The following TRAPPC3L variants were observed in gnomAD, a reference collection of about 807,000 sequenced individuals.
TRAPPC3L encodes trafficking protein particle complex subunit 3L, also known as trafficking protein particle complex subunit 3-like protein.
Under a neutral mutation model 23.7 loss-of-function variants are expected in TRAPPC3L, and 23 were observed. That is an observed-to-expected ratio of 0.97 (90% CI 0.70 to 1.37). The LOEUF is 1.37. TRAPPC3L is among the 40% of genes most tolerant of loss of function. The pLI is 0.00. For missense variants in TRAPPC3L, 212 were observed against 216.8 expected (o/e 0.98, Z 0.14); for synonymous variants, 81 against 77.9 (o/e 1.04, Z -0.21).
At chr6:116,508,201 A>T (rs988234520) in intron 3 of TRAPPC3L, among the ~76,000 whole-genome samples, 1 of 152,188 alleles carries the variant, frequency 6.6e-6, no homozygotes, top group Non-Finnish European at 1.5e-5. Context: ...TTTCTTGAGC[A>T]CTGCCAGTCT....
intron 4 of TRAPPC3L, among the ~76,000 whole-genome samples, chr6:116,497,624 A>G (rs1771851035): frequency 6.6e-6 from 1 of 152,192 alleles, no homozygotes; most frequent in Non-Finnish European, 1.5e-5. Flanking sequence ...AGACATGAAT[A>G]TTTGATACTC....
intron 3 of TRAPPC3L, among the ~76,000 whole-genome samples, chr6:116,509,941 A>C (rs370904090): frequency 2.6e-4 from 40 of 152,328 alleles, no homozygotes; most frequent in Non-Finnish European, 5.0e-4. Flanking sequence ...ACAAAGGACT[A>C]ATATCCAGTA....
intron 3 of TRAPPC3L, among the ~76,000 whole-genome samples, chr6:116,539,450 A>G (rs1278247886): frequency 6.6e-6 from 1 of 152,146 alleles, no homozygotes; most frequent in African/African-American, 2.4e-5. Context: ...TTAATGTAGA[A>G]TTTTTCCCCA....
In TRAPPC3L at chr6:116,540,445, G is replaced by T. The variant is rs1416406707; in HGVS notation, c.158C>A (p.Thr53Lys). Residue 53 changes from threonine to lysine, a missense_variant, in exon 3 of 5, where the codon ACG (threonine) becomes AAG (lysine). Physicochemically the swap from Thr to Lys is moderately conservative, Grantham distance 78. Transcript: ENST00000368602. ...AGCCAAAAAGTCTTCCACAAGCCGC[G>T]TTCCAATGCCGTAACCCCTGTGGAT... ...YLDKMGYGIG[T>K]RLVEDFLARS... 3.2e-6 allele frequency: 5 copies of T among 1,551,266 alleles called. 1 individual carries two copies. The highest frequency in any genetic ancestry group is 3.3e-4 in the Middle Eastern group (2 of 5,988).
chr6:116,496,999 T>C lies in TRAPPC3L; in HGVS notation c.501A>G (p.Thr167=). 3 of 1,547,116 alleles carry C rather than the reference T, an allele frequency of 1.9e-6. No homozygotes were observed. Among genetic ancestry groups the C allele is most frequent in the Non-Finnish European group, 2.6e-6 (3 of 1,145,954 alleles). Residue 167 remains threonine (T), a synonymous_variant, in exon 5 of 5, where the codon ACA becomes ACG. Coordinates refer to ENST00000368602, the MANE Select transcript of TRAPPC3L (RefSeq NM_001139444.3). ...TTTTCTCGTCTCGCTTTTTTAGAAA[T>C]GTTATTCCTATTTCTGTCACACTGT... ...KGDSVTEIGI[T]FLKKRDEKKY...
intron 3 of TRAPPC3L, among the ~76,000 whole-genome samples, chr6:116,505,891 G>A (rs1238289127): frequency 6.6e-6 from 1 of 152,166 alleles, no homozygotes; most frequent in East Asian, 1.9e-4. Context: ...AGACTTAAAT[G>A]TAAAACCTAA....
intron 3 of TRAPPC3L, among the ~76,000 whole-genome samples, chr6:116,508,539 G>A (rs1366106645): frequency 6.6e-6 from 1 of 152,128 alleles, no homozygotes; most frequent in Non-Finnish European, 1.5e-5. Context: ...GTGAGCATGA[G>A]GTCAAGGGCT....
At chr6:116,517,635 G>T (rs1000148544) in intron 3 of TRAPPC3L, 1 of 152,116 alleles carries the variant, frequency 6.6e-6, no homozygotes, top group East Asian at 1.9e-4. Flanking sequence ...ATATGTATTT[G>T]GTCTTTCTTC....
intron 2 of TRAPPC3L, among the ~76,000 whole-genome samples, chr6:116,542,880 G>A (rs1773548840): frequency 6.6e-6 from 1 of 151,942 alleles, no homozygotes; most frequent in Non-Finnish European, 1.5e-5. Flanking sequence ...TGAGTTTCTT[G>A]TATATCTTTC....
chr6:116,497,228 G>A (rs981197539), intron 4 of TRAPPC3L, 155 bp from the exon 5 acceptor site: 59 of 894,020 alleles, frequency 6.6e-5, no homozygotes, highest in South Asian at 1.7e-4. Context: ...AGTGTCCTCC[G>A]GAGATGGTCC....
At chr6:116,538,842 C>A (rs1773256916) in intron 3 of TRAPPC3L, among the ~76,000 whole-genome samples, 1 of 151,984 alleles carries the variant, frequency 6.6e-6, no homozygotes, top group Non-Finnish European at 1.5e-5. Flanking sequence ...AGCCATCCAC[C>A]CCTCTCAGCT....
chr6:116,500,190 G>A (rs1388255897), intron 4 of TRAPPC3L, among the ~76,000 whole-genome samples: 1 of 152,196 alleles, frequency 6.6e-6, no homozygotes, highest in South Asian at 2.1e-4. Context: ...CCTCAGTCAA[G>A]TCGCCAGAGG....
At chr6:116,516,243 A>T in intron 3 of TRAPPC3L, 1 of 359,004 alleles carries the variant, frequency 2.8e-6, no homozygotes, top group East Asian at 4.3e-5. Context: ...TTGCTCCAAG[A>T]TCTAAGATTT....
chr6:116,518,252 T>G (rs2753105), intron 3 of TRAPPC3L: 4,460 of 152,224 alleles, frequency 0.029, 85 homozygotes, highest in Middle Eastern at 0.096. Context: ...GACTGAGCTC[T>G]TAACCTGCTG....
intron 3 of TRAPPC3L, among the ~76,000 whole-genome samples, chr6:116,504,757 A>C (rs1279618947): frequency 1.3e-5 from 2 of 152,208 alleles, no homozygotes; most frequent in Admixed American, 6.5e-5. Flanking sequence ...ACAGAACCAA[A>C]GACAAAAGCC....
chr6:116,504,564 G>T (rs951605463), intron 3 of TRAPPC3L, among the ~76,000 whole-genome samples: 1 of 152,104 alleles, frequency 6.6e-6, no homozygotes, highest in African/African-American at 2.4e-5. Context: ...CCAAAGCCTG[G>T]CAGAGACACA....
chr6:116,532,187 G>A (rs969585715), intron 3 of TRAPPC3L, among the ~76,000 whole-genome samples: 20 of 152,182 alleles, frequency 1.3e-4, no homozygotes, highest in Non-Finnish European at 1.2e-4. Context: ...GTGGAGCACT[G>A]CCCTCTTCTG....
intron 3 of TRAPPC3L, among the ~76,000 whole-genome samples, chr6:116,534,345 A>G (rs1453244878): frequency 3.3e-5 from 5 of 152,226 alleles, no homozygotes; most frequent in Non-Finnish European, 7.3e-5. Flanking sequence ...GGAAATCTAT[A>G]GCCCTCATGC....
rs1216907407 is a variant in TRAPPC3L at position 116,495,349 on chromosome 6, T to C, written c.*1605A>G. The C allele has an allele frequency of 6.6e-6, 1 of 152,108 alleles. No individual in the cohort carries two copies. Among genetic ancestry groups the C allele is most frequent in the African/African-American group, 2.4e-5 (1 of 41,420 alleles). The allele number at this position is 152,108 out of a possible 1,614,324, so 9.4% of individuals were successfully genotyped here. Reference sequence around the variant, plus strand: ...TGTTTTGCAAATGACAGGATCTCATTCTTCTTTATGGCTGAATAGTACTCC... The same window carrying C: ...TGTTTTGCAAATGACAGGATCTCATCCTTCTTTATGGCTGAATAGTACTCC... On this transcript the variant is annotated 3_prime_UTR_variant, in exon 5 of 5. Coordinates refer to ENST00000368602, the MANE Select transcript of TRAPPC3L (RefSeq NM_001139444.3).
Sources: allele counts gnomAD v4.1 joint callset (sites outside exome capture counted in the v4.1 genomes callset), GRCh38; gene constraint gnomAD v4.1.1; transcripts MANE v1.5; gene names NCBI Gene and HGNC (gene_info 2026-07-23, HGNC 2026-07-21).